The following CADPS2 variants were observed in gnomAD, a reference collection of about 807,000 sequenced individuals.
CADPS2 encodes the protein calcium-dependent secretion activator 2.
CADPS2 carries 93 observed loss-of-function variants against 172.5 expected under a neutral mutation model. The observed-to-expected ratio is 0.54, with a 90% CI of 0.46 to 0.64. The LOEUF (loss-of-function observed/expected upper bound fraction) is 0.64. Among genes scored for constraint, CADPS2 ranks in the 30% least tolerant of loss-of-function variants. The probability of loss-of-function intolerance (pLI) is 0.00; values close to 1 mark genes in which losing one functional copy is unlikely to be tolerated. For missense variants in CADPS2, 1,420 were observed against 1,565.9 expected (o/e 0.91, Z 1.57); for synonymous variants, 546 against 555.2 (o/e 0.98, Z 0.23).
chr7:122,382,030 G>C (rs1274065390), intron 24 of CADPS2, among the ~76,000 whole-genome samples: 5 of 152,088 alleles, frequency 3.3e-5, no homozygotes, highest in African/African-American at 4.8e-5. Context: ...ATGAGTGTGA[G>C]AGAAAAGATG....
intron 2 of CADPS2, among the ~76,000 whole-genome samples, chr7:122,696,142 A>G (rs529930668): frequency 6.6e-6 from 1 of 152,292 alleles, no homozygotes; most frequent in East Asian, 1.9e-4. Context: ...AACAGTGGCC[A>G]AAGAATGACA....
intron 1 of CADPS2, among the ~76,000 whole-genome samples, chr7:122,791,208 T>G (rs977581691): frequency 6.6e-6 from 1 of 152,184 alleles, no homozygotes; most frequent in Admixed American, 6.5e-5. Context: ...CATCACAGTC[T>G]TATATAATAA....
intron 11 of CADPS2, among the ~76,000 whole-genome samples, chr7:122,487,523 G>C (rs2057941023): frequency 6.6e-6 from 1 of 151,914 alleles, no homozygotes; most frequent in Non-Finnish European, 1.5e-5. Flanking sequence ...AATATGGATA[G>C]CAAAAAAGCA....
chr7:122,690,121 C>G (rs1029179760), intron 2 of CADPS2, among the ~76,000 whole-genome samples: 4 of 152,170 alleles, frequency 2.6e-5, no homozygotes, highest in African/African-American at 9.7e-5. Flanking sequence ...TGGAACCAGT[C>G]CACAATGCTA....
chr7:122,422,616 C>T lies in CADPS2; in HGVS notation c.2477-6452G>A, dbSNP rs370725203. Among the ~76,000 whole-genome samples the T allele has an allele frequency of 3.9e-5, 6 of 152,218 alleles. 1 individual carries two copies. The highest frequency in any genetic ancestry group is 4.1e-4 in the South Asian group (2 of 4,830). Reference sequence around the variant, plus strand: ...TTACAGAGATCAGAAAATACTCTATCTTAGGTAACTCATCAATGTTAGATG... The same window carrying T: ...TTACAGAGATCAGAAAATACTCTATTTTAGGTAACTCATCAATGTTAGATG... On this transcript the variant is annotated intron_variant, in intron 17 of 29. Transcript: ENST00000449022.
intron 1 of CADPS2, among the ~76,000 whole-genome samples, chr7:122,880,425 T>C (rs1469251440): frequency 6.6e-6 from 1 of 152,162 alleles, no homozygotes; most frequent in Non-Finnish European, 1.5e-5. Flanking sequence ...CTCTAGAATA[T>C]TATTTGAGTG....
At chr7:122,747,119 A>AT (rs1203679329) in intron 1 of CADPS2, among the ~76,000 whole-genome samples, 1 of 152,116 alleles carries the variant, frequency 6.6e-6, no homozygotes, top group Non-Finnish European at 1.5e-5. Context: ...CAATTGAGAG[A>AT]TGACTGTGGA....
chr7:122,583,768 CAAT>C (rs1467749113), intron 6 of CADPS2, among the ~76,000 whole-genome samples: 1 of 151,026 alleles, frequency 6.6e-6, no homozygotes, highest in Non-Finnish European at 1.5e-5. Context: ...ATGTACATAA[CAAT>C]ATCATATACA....
intron 3 of CADPS2, among the ~76,000 whole-genome samples, chr7:122,649,061 C>T (rs2078862866): frequency 6.6e-6 from 1 of 151,666 alleles, no homozygotes; most frequent in Non-Finnish European, 1.5e-5. Flanking sequence ...TTTGCTTATA[C>T]CCCAACAGTG....
At chr7:122,399,348 T>C (rs1392599127) in intron 20 of CADPS2, among the ~76,000 whole-genome samples, 1 of 152,196 alleles carries the variant, frequency 6.6e-6, no homozygotes, top group Non-Finnish European at 1.5e-5. Flanking sequence ...ATACATGTAT[T>C]TGCAAGGAGC....
chr7:122,733,907 C>T (rs141009815), intron 2 of CADPS2, among the ~76,000 whole-genome samples: 1 of 152,142 alleles, frequency 6.6e-6, no homozygotes, highest in Non-Finnish European at 1.5e-5. Context: ...CATCACTGCA[C>T]TCTAGTCGGG....
In CADPS2 at chr7:122,404,068, T is replaced by C. The variant is rs543095968; in HGVS notation, c.2746+3472A>G. 2.0e-5 allele frequency among the ~76,000 whole-genome samples: 3 copies of C among 152,280 alleles called. No individual in the cohort carries two copies. In the South Asian group the frequency reaches 6.2e-4, roughly 32 times the overall value. On this transcript the variant is annotated intron_variant, in intron 20 of 29. Coordinates refer to ENST00000449022, the MANE Select transcript of CADPS2 (RefSeq NM_017954.11). ...CAGGTTAGTAACATATGTATACACG[T>C]GCCATGCTGATGTGCTGCACCCATT...
rs550056011 is a variant in CADPS2, at chr7:122,399,843, C to G, written c.2747-6261G>C. Among the ~76,000 whole-genome samples the G allele has an allele frequency of 2.0e-5, 3 of 151,118 alleles. No individual in the cohort carries two copies. The East Asian group carries it at 6.0e-4, about 30-fold the overall frequency. Reference sequence around the variant, plus strand: ...CTGGGACTACAGGCGCCCGCCACTACGCCCGGCTAACTTTTTGTATTTTTA... The same window carrying G: ...CTGGGACTACAGGCGCCCGCCACTAGGCCCGGCTAACTTTTTGTATTTTTA... On this transcript the variant is annotated intron_variant, in intron 20 of 29. Transcript: ENST00000449022.
At chr7:122,710,749 C>T (rs879647581) in intron 2 of CADPS2, among the ~76,000 whole-genome samples, 2 of 152,072 alleles carry the variant, frequency 1.3e-5, no homozygotes, top group Non-Finnish European at 2.9e-5. Context: ...ACCACCTGTT[C>T]CTATGACACA....
intron 1 of CADPS2, among the ~76,000 whole-genome samples, chr7:122,772,552 C>CA (rs747521514): frequency 5.3e-5 from 8 of 151,844 alleles, no homozygotes; most frequent in East Asian, 1.9e-4. Flanking sequence ...GTTAAATTTG[C>CA]AAAAAATCAA....
intron 8 of CADPS2, among the ~76,000 whole-genome samples, chr7:122,533,608 T>C (rs1357895509): frequency 2.0e-5 from 3 of 152,176 alleles, no homozygotes; most frequent in Non-Finnish European, 2.9e-5. Context: ...CTTAAGCACA[T>C]GTATTTCTCA....
At chr7:122,686,742 TGGCACAATCTC>T (rs67203312) in intron 2 of CADPS2, among the ~76,000 whole-genome samples, 7,768 of 152,286 alleles carry the variant, frequency 0.051, 253 homozygotes, top group African/African-American at 0.059. Context: ...TGGTGTGCAG[TGGCACAATCTC>T]GGCTCACTGC....
chr7:122,862,229 A>G (rs1011335528), intron 1 of CADPS2, among the ~76,000 whole-genome samples: 1 of 152,236 alleles, frequency 6.6e-6, no homozygotes, highest in African/African-American at 2.4e-5. Flanking sequence ...AAACTAAATC[A>G]GACAAAACAT....
chr7:122,709,476 A>G (rs920513593), intron 2 of CADPS2, among the ~76,000 whole-genome samples: 11 of 151,968 alleles, frequency 7.2e-5, no homozygotes, highest in African/African-American at 2.7e-4. Flanking sequence ...AAACTAGTTC[A>G]ACCATTGTGG....
Sources: gnomAD v4.1 joint callset for allele counts (sites outside exome capture counted in the v4.1 genomes callset) on GRCh38, gnomAD v4.1.1 for gene constraint, MANE v1.5 for transcripts, NCBI Gene and HGNC (gene_info 2026-07-23, HGNC 2026-07-21) for gene names.